The following ZNF711 variants were observed in gnomAD, a reference collection of about 807,000 sequenced individuals.
ZNF711 encodes zinc finger protein 711.
Under a neutral mutation model 43.5 loss-of-function variants are expected in ZNF711, and 3 were observed. That is an observed-to-expected ratio of 0.07 (90% CI 0.03 to 0.18). ZNF711 has a LOEUF of 0.18. ZNF711 is among the 10% of genes least tolerant of loss of function. The probability of loss-of-function intolerance (pLI) is 1.00; values close to 1 mark genes in which losing one functional copy is unlikely to be tolerated. For synonymous variants in ZNF711, 209 were observed against 207.7 expected (o/e 1.01, Z -0.06); for missense variants, 412 against 604.0 (o/e 0.68, Z 3.33).
intron 5 of ZNF711, 70 bp from the exon 6 acceptor site, chrX:85,264,205 A>T (rs1357380994): frequency 4.3e-6 from 4 of 934,556 alleles, no homozygotes; most frequent in East Asian, 3.3e-5. Flanking sequence ...AATAGTGGTA[A>T]TTTTTCTTGT....
intron 5 of ZNF711, among the ~76,000 whole-genome samples, chrX:85,256,913 A>G (rs186447250): frequency 1.8e-5 from 2 of 111,432 alleles, no homozygotes; most frequent in East Asian, 5.7e-4. Context: ...CATTTTTTAA[A>G]AGATCTATAG....
chrX:85,247,584 C>T lies in ZNF711; in HGVS notation c.12C>T (p.Gly4=), dbSNP rs771064666. Residue 4 remains glycine, a synonymous_variant, in exon 4 of 11, where the codon GGC becomes GGT. Coordinates refer to ENST00000674551, the MANE Select transcript of ZNF711 (RefSeq NM_001330574.2). The part of the protein sequence containing the change: MDS[G]GGSLGLHTPD... ...GAACTTTGCTAAGTATGGATTCAGG[C>T]GGTGGAAGTCTTGGATTGCACACGC... is the stretch of plus-strand genomic sequence containing the variant. 9 of 1,205,991 alleles carry T rather than the reference C, an allele frequency of 7.5e-6. No individual in the cohort carries two copies. The Admixed American group carries it at 1.5e-4, about 21-fold the overall frequency.
At chrX:85,262,841 C>T (rs908280344) in intron 5 of ZNF711, among the ~76,000 whole-genome samples, 1 of 109,995 alleles carries the variant, frequency 9.1e-6, no homozygotes, top group Non-Finnish European at 1.9e-5. Flanking sequence ...TTTTGAAAGG[C>T]CTAAGGAATA....
At position 85,254,381 on chromosome X, in the gene ZNF711, G is replaced by A. The variant is rs1929859905; in HGVS notation, c.80-878G>A. On this transcript the variant is annotated intron_variant, in intron 4 of 10. Coordinates refer to ENST00000674551, the MANE Select transcript of ZNF711 (RefSeq NM_001330574.2). Reference sequence around the variant, plus strand: ...GCACTTTGGGAGGCCGAGGCGGGTGGATCATGAGGTCAGGAGATCGAGACC... The same window carrying A: ...GCACTTTGGGAGGCCGAGGCGGGTGAATCATGAGGTCAGGAGATCGAGACC... 2.4e-5 allele frequency among the ~76,000 whole-genome samples: 2 copies of A among 83,853 alleles called. 1 individual carries two copies. Among genetic ancestry groups the A allele is most frequent in the African/African-American group, 1.1e-4 (2 of 18,031 alleles). The allele number at this position is 83,853 out of a possible 115,157, so 72.8% of individuals were successfully genotyped here.
intron 6 of ZNF711, among the ~76,000 whole-genome samples, chrX:85,264,891 CTT>C (rs1451012945): frequency 9.0e-6 from 1 of 110,721 alleles, no homozygotes; most frequent in Non-Finnish European, 1.9e-5. Flanking sequence ...GTATAAAAGA[CTT>C]ATATACTGCT....
intron 4 of ZNF711, among the ~76,000 whole-genome samples, chrX:85,251,807 A>G (rs1232980766): frequency 9.1e-6 from 1 of 110,299 alleles, no homozygotes; most frequent in East Asian, 2.9e-4. Context: ...AAAAAACAGT[A>G]TCTAGGGTAA....
At chrX:85,257,737 A>C (rs2041559067) in intron 5 of ZNF711, among the ~76,000 whole-genome samples, 1 of 112,859 alleles carries the variant, frequency 8.9e-6, no homozygotes, top group Non-Finnish European at 1.9e-5. Flanking sequence ...TTCTCTGATA[A>C]ATTTCCAAAC....
At chrX:85,260,605 G>GCC (rs56104601) in intron 5 of ZNF711, among the ~76,000 whole-genome samples, 2 of 92,310 alleles carry the variant, frequency 2.2e-5, no homozygotes, top group East Asian at 3.3e-4. Context: ...TTAGCTGTTA[G>GCC]CCCCCCCCCC....
chrX:85,271,994 G>T lies in ZNF711; in HGVS notation c.*166G>T, dbSNP rs922612354. The T allele has an allele frequency of 6.5e-6, 3 of 464,392 alleles. No individual in the cohort carries two copies. The highest frequency in any genetic ancestry group is 1.1e-5 in the Non-Finnish European group (3 of 273,038). The allele number at this position is 464,392 out of a possible 1,213,427, so 38.3% of individuals were successfully genotyped here. ...ATTTGAATTCACAGGGGATCCCATA[G>T]CCCTTTGAAAATTACTTAAAGAATT... On this transcript the variant is annotated 3_prime_UTR_variant, in exon 11 of 11. Transcript: ENST00000674551.
intron 10 of ZNF711, 23 bp downstream of exon 10, chrX:85,270,169 A>G (rs1264467496): frequency 5.9e-6 from 7 of 1,190,700 alleles, no homozygotes; most frequent in Non-Finnish European, 7.9e-6. Flanking sequence ...CTTTATGAAT[A>G]TTATAATTAT....
In ZNF711 at chrX:85,247,163, A is replaced by G. The variant is rs866694612; in HGVS notation, c.-52A>G. On this transcript the variant is annotated 5_prime_UTR_variant, in exon 3 of 11. It adds an upstream start codon to the 5' untranslated region. Transcript: ENST00000674551. ...GAGCCAGTGGATGAAATTCACTAAT[A>G]CTAGACATCTGAGTCCTCTAGTAAT... is the stretch of plus-strand genomic sequence containing the variant. 2.4e-5 allele frequency: 7 copies of G among 295,794 alleles called. No homozygotes were observed. The highest frequency in any genetic ancestry group is 4.8e-5 in the East Asian group (1 of 20,780). 24.4% of individuals were successfully genotyped at this position (295,794 alleles called of 1,213,427 possible).
intron 4 of ZNF711, among the ~76,000 whole-genome samples, chrX:85,254,086 A>G (rs1203695207): frequency 1.8e-5 from 2 of 111,552 alleles, no homozygotes; most frequent in African/African-American, 3.3e-5. Context: ...TTTTGCTACT[A>G]TGAGTAATAG....
At chrX:85,255,139 AT>A in intron 4 of ZNF711, 119 bp from the exon 5 acceptor site, 1 of 705,368 alleles carries the variant, frequency 1.4e-6, no homozygotes, top group South Asian at 2.8e-5. Context: ...TTAAAAAATG[AT>A]TTATTTGGCC....
In ZNF711 at chrX:85,272,592, C is replaced by T. The variant is rs1437120080; in HGVS notation, c.*764C>T. ...CTTTCTAAAATGGATGCAACATTAG[C>T]GTTGCAAACAAAATCAGCACTATAT... On this transcript the variant is annotated 3_prime_UTR_variant, in exon 11 of 11. Transcript: ENST00000674551. 2 of 111,660 alleles carry T rather than the reference C, an allele frequency of 1.8e-5. No individual in the cohort carries two copies. Among genetic ancestry groups the T allele is most frequent in the East Asian group, 2.8e-4 (1 of 3,517 alleles). 9.2% of individuals were successfully genotyped at this position (111,660 alleles called of 1,213,427 possible).
Position 85,255,404 on chromosome X carries a change from T to TC in ZNF711, c.225_226insC (p.Ile76HisfsTer6). ...CAGCTGAAGTTGTCCATGGACCTGA[T>TC]ATCATCACAGAGACTGATGTAGTAA... On this transcript the variant is annotated frameshift_variant, in exon 5 of 11. Coordinates refer to ENST00000674551, the MANE Select transcript of ZNF711 (RefSeq NM_001330574.2). LOFTEE classifies it high-confidence loss of function. 8.3e-7 allele frequency: 1 copy of TC among 1,211,768 alleles called. No homozygotes were observed. The highest frequency in any genetic ancestry group is 1.1e-6 in the Non-Finnish European group (1 of 895,554).
At chrX:85,247,484 T>C (rs1929129378) in intron 3 of ZNF711, 63 bp from the exon 4 acceptor site, 4 of 817,082 alleles carry the variant, frequency 4.9e-6, no homozygotes, top group Non-Finnish European at 5.4e-6. Context: ...TGCATTTTTT[T>C]CTCAAAACAA....
intron 4 of ZNF711, among the ~76,000 whole-genome samples, chrX:85,251,070 A>G (rs1003098248): frequency 9.0e-6 from 1 of 111,333 alleles, no homozygotes; most frequent in Non-Finnish European, 1.9e-5. Context: ...AATTAGATAC[A>G]TTCTCTTTAA....
chrX:85,262,198 A>G (rs1413574916), intron 5 of ZNF711, among the ~76,000 whole-genome samples: 1 of 111,007 alleles, frequency 9.0e-6, no homozygotes, highest in African/African-American at 3.3e-5. Flanking sequence ...AGAGAATAGT[A>G]TTAGTAATTT....
chrX:85,251,092 G>A (rs1028696348), intron 4 of ZNF711, among the ~76,000 whole-genome samples: 4 of 110,884 alleles, frequency 3.6e-5, no homozygotes, highest in Admixed American at 9.6e-5. Context: ...TTCTGTTAGC[G>A]TCAAAACTTA....
Sources: allele counts gnomAD v4.1 joint callset (sites outside exome capture counted in the v4.1 genomes callset), GRCh38; gene constraint gnomAD v4.1.1; transcripts MANE v1.5; gene names NCBI Gene and HGNC (gene_info 2026-07-23, HGNC 2026-07-21).